Variants in CHD8 observed in about 807,000 individuals in gnomAD.
The protein encoded by CHD8 is ATP-dependent chromatin remodeler CHD8.
CHD8 carries 31 observed loss-of-function variants against 279.2 expected under a neutral mutation model. The ratio of observed to expected loss-of-function variants is 0.11; its 90% confidence interval spans 0.08 to 0.15. The LOEUF is 0.15. Among genes scored for constraint, CHD8 ranks in the 10% least tolerant of loss-of-function variants. The pLI, the probability that CHD8 is intolerant of heterozygous loss-of-function variation, is 1.00. For synonymous variants in CHD8, 1,081 were observed against 1,139.6 expected, an observed-to-expected ratio of 0.95 and a Z score of 1.04; for missense variants, 2,146 against 3,230.5, an observed-to-expected ratio of 0.66 and a Z score of 8.14.
In CHD8 at chr14:21,400,184, C is replaced by T; in HGVS notation, c.4694G>A (p.Ser1565Asn). The T allele has an allele frequency of 6.2e-7, 1 of 1,613,952 alleles. No individual in the cohort carries two copies. Among genetic ancestry groups the T allele is most frequent in the South Asian group, 1.1e-5 (1 of 91,090 alleles). ...CTGATGTTTCAAGTGCTTCTTATAA[C>T]TTTCATCTTGGAACAAAGTGTCAGG... ...YNPDTLFQDESYKKHLKHQCN... is the reference protein window; with the variant it reads ...YNPDTLFQDENYKKHLKHQCN... The change falls in exon 24 of 38, where the codon AGT becomes AAT. Residue 1565 changes from serine (S) to asparagine (N), a missense_variant. Physicochemically the swap from Ser to Asn is conservative, Grantham distance 46 (BLOSUM62 1). Around this residue, in one of 26 missense-constraint regions of CHD8, gnomAD observed 73 missense variants for 153.2 expected, o/e 0.48. Coordinates refer to ENST00000646647, the MANE Select transcript of CHD8 (RefSeq NM_001170629.2). The surrounding 1 kb of genome is among the most constrained non-coding windows in gnomAD (Gnocchi z 4.2).
chr14:21,401,658 C>A, intron 20 of CHD8, 145 bp from the exon 21 acceptor site: 1 of 598,438 alleles, frequency 1.7e-6, no homozygotes. Flanking sequence ...GATCTCCGCT[C>A]ACCGCAACCT....
At chr14:21,442,425 A>C (rs557840975) in intron 1 of CHD8, among the ~76,000 whole-genome samples, 1 of 152,120 alleles carries the variant, frequency 6.6e-6, no homozygotes, top group Admixed American at 6.6e-5. Flanking sequence ...AGACTGTGCC[A>C]CTGTACTTTA....
chr14:21,421,677 TC>T (rs1238275952), intron 5 of CHD8, among the ~76,000 whole-genome samples: 5 of 152,302 alleles, frequency 3.3e-5, no homozygotes, highest in African/African-American at 1.2e-4. Flanking sequence ...TTCCTTAACT[TC>T]ATTGCCAATA....
rs1007695480 is a variant in CHD8 at position 21,431,788 on chromosome 14, A to G, written c.-145T>C. 2.5e-6 allele frequency: 4 copies of G among 1,613,572 alleles called. No homozygotes were observed. In the African/African-American group the frequency reaches 5.3e-5, roughly 22 times the overall value. On this transcript the variant is annotated 5_prime_UTR_variant, in exon 2 of 38. Coordinates refer to ENST00000646647, the MANE Select transcript of CHD8 (RefSeq NM_001170629.2). ...TCTTCAAGTATAGAGGCAAGAAACA[A>G]GTGCATGTCAGATTGTCCTGACCTT...
intron 21 of CHD8, 101 bp from the exon 22 acceptor site, chr14:21,401,172 G>T: frequency 1.0e-6 from 1 of 952,400 alleles, no homozygotes; most frequent in South Asian, 1.8e-5. Flanking sequence ...GTAACGTGTA[G>T]ATACTCAGAG....
chr14:21,427,626 T>A lies in CHD8; in HGVS notation c.1601+243A>T, dbSNP rs141185930. The A allele has an allele frequency of 2.9e-3, 4,252 of 1,468,608 alleles. 29 individuals carry two copies. In the African/African-American group the frequency reaches 0.055, roughly 19 times the overall value. The allele number at this position is 1,468,608 out of a possible 1,614,324, so 91.0% of individuals were successfully genotyped here. On this transcript the variant is annotated intron_variant, in intron 4 of 37. Coordinates refer to ENST00000646647, the MANE Select transcript of CHD8 (RefSeq NM_001170629.2). ...TTGAGCTTGCTCTTGCCCTTTGTTTTGGAGGTACCAGATGTTTGCTCTGCC... is the reference window on the plus strand; with the variant it reads ...TTGAGCTTGCTCTTGCCCTTTGTTTAGGAGGTACCAGATGTTTGCTCTGCC...
chr14:21,415,270 T>C, intron 7 of CHD8: 1 of 410,178 alleles, frequency 2.4e-6, no homozygotes. Context: ...AACTACACCT[T>C]AGCAATATAT....
In CHD8 at chr14:21,395,804, G is replaced by A; in HGVS notation, c.5127+13C>T. Reference sequence around the variant, plus strand: ...TAATAGAGAAAAGTGAGACTCAAATGAGAATTCCTTACCTCATCATCTTGG... The same window carrying A: ...TAATAGAGAAAAGTGAGACTCAAATAAGAATTCCTTACCTCATCATCTTGG... On this transcript the variant is annotated intron_variant, in intron 28 of 37. Coordinates refer to ENST00000646647, the MANE Select transcript of CHD8 (RefSeq NM_001170629.2). 1 of 1,523,870 alleles carries A rather than the reference G, an allele frequency of 6.6e-7. No individual in the cohort carries two copies. The highest frequency in any genetic ancestry group is 9.0e-7 in the Non-Finnish European group (1 of 1,106,090). The allele number at this position is 1,523,870 out of a possible 1,614,324, so 94.4% of individuals were successfully genotyped here. A position where few individuals can be genotyped will look rare whatever the true frequency, so the allele number is the denominator to read the frequency against.
intron 5 of CHD8, chr14:21,419,908 CAG>C: frequency 3.5e-6 from 1 of 285,228 alleles, no homozygotes; most frequent in South Asian, 3.5e-5. Flanking sequence ...TGCAATGGCC[CAG>C]AAGGTAAGTA....
intron 1 of CHD8, among the ~76,000 whole-genome samples, chr14:21,451,260 G>A (rs2139575348): frequency 6.6e-6 from 1 of 152,186 alleles, no homozygotes; most frequent in South Asian, 2.1e-4. Flanking sequence ...ATCTTTCCCT[G>A]CTGAAGACTA....
chr14:21,437,397 G>A, intron 1 of CHD8: 1 of 411,078 alleles, frequency 2.4e-6, no homozygotes, highest in South Asian at 5.2e-5. Context: ...CTCCCCCGCA[G>A]GTTAGGTTGA....
intron 1 of CHD8, among the ~76,000 whole-genome samples, chr14:21,447,570 C>T (rs1890158384): frequency 6.6e-6 from 1 of 152,126 alleles, no homozygotes; most frequent in Non-Finnish European, 1.5e-5. Flanking sequence ...CGGGGTTTAA[C>T]CATATTGGTC....
At chr14:21,407,132 A>T (rs922656706) in intron 13 of CHD8, 100 bp from the exon 14 acceptor site, 2 of 926,048 alleles carry the variant, frequency 2.2e-6, no homozygotes, top group Admixed American at 3.0e-5. Flanking sequence ...TTAATAGGCA[A>T]TACAAACTGC....
intron 1 of CHD8, among the ~76,000 whole-genome samples, chr14:21,436,423 C>T (rs919803699): frequency 1.3e-5 from 2 of 152,194 alleles, no homozygotes; most frequent in African/African-American, 2.4e-5. Flanking sequence ...TCGTGAGACA[C>T]GAAGGGTCTC....
Position 21,401,044 on chromosome 14 carries a change from C to G in CHD8, c.4201G>C (p.Val1401Leu). 6.2e-7 allele frequency: 1 copy of G among 1,610,854 alleles called. No individual in the cohort carries two copies. Among genetic ancestry groups the G allele is most frequent in the South Asian group, 1.1e-5 (1 of 90,582 alleles). The change falls in exon 22 of 38, where the codon GTA (valine) becomes CTA (leucine). Residue 1401 changes from valine (V) to leucine (L), a missense_variant. Transcript: ENST00000646647. ...KNNLVIDTPR[V>L]RKQTRHFSTL... ...CTAAAGTGGCGCGTTTGTTTTCGTA[C>G]TCTAGGTGTGTCAATTACCAAATTA...
intron 1 of CHD8, among the ~76,000 whole-genome samples, chr14:21,453,311 AT>A (rs1890303856): frequency 6.6e-6 from 1 of 151,824 alleles, no homozygotes; most frequent in Non-Finnish European, 1.5e-5. Flanking sequence ...CAGAAATTAC[AT>A]TCCCTAAAAG....
chr14:21,449,153 G>A (rs930127457), intron 1 of CHD8, among the ~76,000 whole-genome samples: 2 of 151,992 alleles, frequency 1.3e-5, no homozygotes, highest in Admixed American at 6.6e-5. Flanking sequence ...CAGCCTGGGC[G>A]ACAGAGCGAG....
Position 21,403,262 on chromosome 14 carries a change from G to C in CHD8, c.3519-50C>G. 6.4e-7 allele frequency: 1 copy of C among 1,555,554 alleles called. No homozygotes were observed. On this transcript the variant is annotated intron_variant, in intron 17 of 37. Transcript: ENST00000646647. The surrounding 1 kb of genome is among the most constrained non-coding windows in gnomAD (Gnocchi z 4.3). ...ATGTAAGTGGCTAAGCAGAAGTGGAGACCAAAACAGCAGGCTAGGATCAAT... is the reference window on the plus strand; with the variant it reads ...ATGTAAGTGGCTAAGCAGAAGTGGACACCAAAACAGCAGGCTAGGATCAAT...
At chr14:21,432,914 CAA>C (rs143058162) in intron 1 of CHD8, among the ~76,000 whole-genome samples, 1,961 of 152,206 alleles carry the variant, frequency 0.013, 40 homozygotes, top group African/African-American at 0.045. Flanking sequence ...TTCCTTTGCG[CAA>C]ATTGTAAAAA....
Sources: allele counts gnomAD v4.1 joint callset (sites outside exome capture counted in the v4.1 genomes callset), GRCh38; gene constraint gnomAD v4.1.1; regional missense constraint gnomAD v4.1.1; non-coding constraint Gnocchi (gnomAD v3.1); transcripts MANE v1.5; gene names NCBI Gene and HGNC (gene_info 2026-07-23, HGNC 2026-07-21).